Variants in ENPEP observed in about 807,000 individuals in gnomAD.
ENPEP encodes the protein glutamyl aminopeptidase, also known as AP-A.
ENPEP carries 103 observed loss-of-function variants against 114.5 expected under a neutral mutation model. The observed-to-expected ratio is 0.90, with a 90% CI of 0.77 to 1.06. ENPEP has a LOEUF of 1.06. ENPEP is among the 50% of genes least tolerant of loss of function. ENPEP has a pLI of 0.00. For missense variants in ENPEP, 1,196 were observed against 1,161.3 expected (o/e 1.03, Z -0.43); for synonymous variants, 420 against 422.0 (o/e 1.00, Z 0.06).
intron 11 of ENPEP, among the ~76,000 whole-genome samples, chr4:110,533,991 A>G (rs1044682000): frequency 6.6e-6 from 1 of 152,236 alleles, no homozygotes; most frequent in Non-Finnish European, 1.5e-5. Context: ...AGCCAGAAGC[A>G]AACTAGAGGT....
Position 110,561,505 on chromosome 4 carries a change from C to T in ENPEP, c.2821C>T (p.Gln941Ter). 6.2e-7 allele frequency: 1 copy of T among 1,613,886 alleles called. No homozygotes were observed. ...TVKNNIEWLK[Q>*]HRNTIREWFF... is the part of the protein sequence containing the mutation. ...GAAAAACAATATAGAGTGGCTAAAA[C>T]AACATAGAAACACCATCAGAGAATG... Residue 941 changes from glutamine to a stop codon, truncating the protein, a stop_gained, in exon 20 of 20, where the codon CAA becomes TAA. Coordinates refer to ENST00000265162, the MANE Select transcript of ENPEP (RefSeq NM_001977.4). LOFTEE classifies it low-confidence loss of function (END_TRUNC).
intron 13 of ENPEP, among the ~76,000 whole-genome samples, chr4:110,546,748 T>C (rs1727084066): frequency 6.6e-6 from 1 of 152,100 alleles, no homozygotes; most frequent in Admixed American, 6.5e-5. Flanking sequence ...CATCCTCTCA[T>C]GGACTTCCCT....
Position 110,511,761 on chromosome 4 carries a change from CTTT to C in ENPEP, c.1308+1414_1308+1416del, listed in dbSNP as rs35037890. Among the ~76,000 whole-genome samples the C allele has an allele frequency of 5.1e-3, 747 of 145,656 alleles. 4 individuals carry two copies. Among genetic ancestry groups the C allele is most frequent in the African/African-American group, 0.018 (724 of 39,714 alleles). ...CATTCCTTCATCTATTCATTCATTC[CTTT>C]TTTTTTTTTTCCTTTTTGAGATGGA... On this transcript the variant is annotated intron_variant, in intron 6 of 19. Coordinates refer to ENST00000265162, the MANE Select transcript of ENPEP (RefSeq NM_001977.4).
At chr4:110,500,348 C>T (rs1725107927) in intron 3 of ENPEP, among the ~76,000 whole-genome samples, 1 of 152,132 alleles carries the variant, frequency 6.6e-6, no homozygotes, top group Non-Finnish European at 1.5e-5. Context: ...AGAATATCAG[C>T]TGAATAAGGC....
At chr4:110,545,289 T>C (rs1172446661) in intron 13 of ENPEP, among the ~76,000 whole-genome samples, 1 of 152,078 alleles carries the variant, frequency 6.6e-6, no homozygotes, top group Non-Finnish European at 1.5e-5. Context: ...TCCAACTTGA[T>C]GTGAAGAGGT....
At chr4:110,548,417 T>A in intron 14 of ENPEP, 91 bp downstream of exon 14, 2 of 1,121,010 alleles carry the variant, frequency 1.8e-6, no homozygotes, top group Non-Finnish European at 2.4e-6. Flanking sequence ...CTTGGGGACC[T>A]AAACCATGTT....
At chr4:110,519,985 T>A in intron 8 of ENPEP, 23 bp from the exon 9 acceptor site, 1 of 1,604,854 alleles carries the variant, frequency 6.2e-7, no homozygotes, top group African/African-American at 1.3e-5. Context: ...ACTTCTAACA[T>A]GCTGATTATT....
chr4:110,498,809 G>T (rs902708317), intron 3 of ENPEP, among the ~76,000 whole-genome samples: 4 of 152,184 alleles, frequency 2.6e-5, no homozygotes, highest in African/African-American at 9.7e-5. Flanking sequence ...CTCTTTCAGG[G>T]TCTGTTTCAG....
intron 3 of ENPEP, 146 bp from the exon 4 acceptor site, chr4:110,506,491 C>T (rs1160844921): frequency 2.5e-5 from 18 of 734,176 alleles, no homozygotes; most frequent in Non-Finnish European, 3.1e-5. Flanking sequence ...TGAGACAACA[C>T]GCTAGTATGA....
At chr4:110,482,672 T>C (rs1724356554) in intron 1 of ENPEP, among the ~76,000 whole-genome samples, 1 of 152,202 alleles carries the variant, frequency 6.6e-6, no homozygotes, top group Non-Finnish European at 1.5e-5. Flanking sequence ...CTTAGATTAG[T>C]ATGCTGAGCT....
chr4:110,554,542 AGT>A (rs140987098), intron 18 of ENPEP, among the ~76,000 whole-genome samples: 29 of 150,246 alleles, frequency 1.9e-4, no homozygotes, highest in South Asian at 4.2e-4. Flanking sequence ...TGTGCATGTG[AGT>A]GTGTGTGTGT....
At chr4:110,488,193 G>A (rs1313992392) in intron 1 of ENPEP, among the ~76,000 whole-genome samples, 1 of 152,206 alleles carries the variant, frequency 6.6e-6, no homozygotes, top group Non-Finnish European at 1.5e-5. Context: ...TTGGGGTGGA[G>A]AGAGTACTAG....
chr4:110,553,719 T>A (rs989558054), intron 18 of ENPEP, among the ~76,000 whole-genome samples: 14 of 152,044 alleles, frequency 9.2e-5, no homozygotes, highest in Non-Finnish European at 8.8e-5. Context: ...TTAGTTTGGT[T>A]AAAACAAGTT....
rs1448805 is a variant in ENPEP at position 110,543,117 on chromosome 4, C to G, written c.2000+47C>G. 2,679 of 1,521,922 alleles carry G rather than the reference C, an allele frequency of 1.8e-3. 26 individuals carry two copies. In the African/African-American group the frequency reaches 0.032, roughly 18 times the overall value. 94.3% of individuals were successfully genotyped at this position (1,521,922 alleles called of 1,614,324 possible). ...AATTACTTAAAATACTGTGGGTTTT[C>G]TCATAAATCTTTTAAAAATGAATTA... On this transcript the variant is annotated intron_variant, in intron 13 of 19. Transcript: ENST00000265162.
intron 11 of ENPEP, among the ~76,000 whole-genome samples, chr4:110,537,894 G>C (rs1324462294): frequency 6.6e-6 from 1 of 152,218 alleles, no homozygotes; most frequent in African/African-American, 2.4e-5. Context: ...CAGGCACACT[G>C]TCAATAAGCA....
chr4:110,549,626 C>T lies in ENPEP; in HGVS notation c.2324C>T (p.Thr775Ile), dbSNP rs1364433327. 10 of 1,613,448 alleles carry T rather than the reference C, an allele frequency of 6.2e-6. No homozygotes were observed. The highest frequency in any genetic ancestry group is 8.5e-6 in the Non-Finnish European group (10 of 1,179,600). Residue 775 changes from threonine (T) to isoleucine (I), a missense_variant, in exon 16 of 20, where the codon ACT becomes ATT. Transcript: ENST00000265162. ...TTATTTGAGCAGTGGCTAAATGGGA[C>T]TGTAAGGTGATTACTCACATTGTTA... ...SSLFEQWLNG[T>I]VSLPVNLRLL...
At chr4:110,535,178 C>G (rs1726564648) in intron 11 of ENPEP, among the ~76,000 whole-genome samples, 1 of 152,156 alleles carries the variant, frequency 6.6e-6, no homozygotes, top group Non-Finnish European at 1.5e-5. Context: ...AGAGACATTT[C>G]TAAGTGCATA....
intron 8 of ENPEP, among the ~76,000 whole-genome samples, chr4:110,517,203 G>A (rs1996604): frequency 0.55 from 83,289 of 151,820 alleles, 23,009 homozygotes; most frequent in East Asian, 0.68. Flanking sequence ...GCCTCCCAAA[G>A]TGCTGGGATT....
intron 1 of ENPEP, among the ~76,000 whole-genome samples, chr4:110,479,853 T>C (rs895060515): frequency 5.9e-5 from 9 of 152,058 alleles, no homozygotes; most frequent in Non-Finnish European, 7.4e-5. Flanking sequence ...AAAATAAAAT[T>C]TTACACATAT....
Sources: gnomAD v4.1 joint callset for allele counts (sites outside exome capture counted in the v4.1 genomes callset) on GRCh38, gnomAD v4.1.1 for gene constraint, MANE v1.5 for transcripts, NCBI Gene and HGNC (gene_info 2026-07-23, HGNC 2026-07-21) for gene names.